The following TBC1D22B variants were observed in gnomAD, a reference collection of about 807,000 sequenced individuals.
TBC1D22B encodes the protein chromosome 6 open reading frame 197.
Under a neutral mutation model 69.1 loss-of-function variants are expected in TBC1D22B, and 32 were observed. The ratio of observed to expected loss-of-function variants is 0.46; its 90% CI spans 0.35 to 0.62. The LOEUF is 0.62. Among genes scored for constraint, TBC1D22B ranks in the 20% least tolerant of loss-of-function variants. TBC1D22B has a pLI of 0.00. For synonymous variants in TBC1D22B, 206 were observed against 229.8 expected (o/e 0.90, Z 0.94); for missense variants, 462 against 630.9 (o/e 0.73, Z 2.87).
chr6:37,325,693 G>A (rs1463739652), intron 12 of TBC1D22B, among the ~76,000 whole-genome samples: 1 of 151,852 alleles, frequency 6.6e-6, no homozygotes, highest in African/African-American at 2.4e-5. Context: ...GGGACTACAG[G>A]GGCACGCCAT....
chr6:37,311,733 C>G (rs979921835), intron 8 of TBC1D22B, among the ~76,000 whole-genome samples: 11 of 152,128 alleles, frequency 7.2e-5, no homozygotes, highest in African/African-American at 2.7e-4. Context: ...TTGTCTAATG[C>G]CTGTGTCTCT....
intron 8 of TBC1D22B, among the ~76,000 whole-genome samples, chr6:37,311,725 G>A (rs1767917751): frequency 6.6e-6 from 1 of 152,170 alleles, no homozygotes; most frequent in African/African-American, 2.4e-5. Context: ...AATACATTTT[G>A]TCTAATGCCT....
chr6:37,290,023 G>A (rs142838343), intron 7 of TBC1D22B, among the ~76,000 whole-genome samples: 3 of 152,250 alleles, frequency 2.0e-5, no homozygotes, highest in African/African-American at 4.8e-5. Flanking sequence ...CTGTTTGCCC[G>A]CTGTAGGCAC....
At chr6:37,262,801 A>G (rs1003744731) in intron 1 of TBC1D22B, among the ~76,000 whole-genome samples, 6 of 152,192 alleles carry the variant, frequency 3.9e-5, no homozygotes, top group Admixed American at 1.3e-4. Context: ...TCTTTTTCCC[A>G]TATTTGCACT....
intron 8 of TBC1D22B, among the ~76,000 whole-genome samples, chr6:37,302,593 G>A (rs7748706): frequency 0.032 from 4,836 of 152,264 alleles, 240 homozygotes; most frequent in African/African-American, 0.11. Context: ...GGTACAAAAT[G>A]CAACACCAAT....
intron 10 of TBC1D22B, among the ~76,000 whole-genome samples, chr6:37,314,992 G>A (rs949059889): frequency 1.3e-5 from 2 of 152,010 alleles, no homozygotes; most frequent in African/African-American, 2.4e-5. Flanking sequence ...TAGCCCTCAC[G>A]TTTGGGCCCC....
At chr6:37,301,935 C>G (rs1434531013) in intron 8 of TBC1D22B, among the ~76,000 whole-genome samples, 2 of 152,124 alleles carry the variant, frequency 1.3e-5, no homozygotes, top group African/African-American at 4.8e-5. Flanking sequence ...TCCAGGCATC[C>G]TTACCCCACT....
chr6:37,307,410 C>T (rs757109119), intron 8 of TBC1D22B, among the ~76,000 whole-genome samples: 1 of 148,862 alleles, frequency 6.7e-6, no homozygotes, highest in Non-Finnish European at 1.5e-5. Flanking sequence ...GGCTGGAGTG[C>T]AGTGGCATAA....
intron 2 of TBC1D22B, among the ~76,000 whole-genome samples, chr6:37,275,057 A>AATG: frequency 6.6e-6 from 1 of 151,524 alleles, no homozygotes. Context: ...TCTTAATAAT[A>AATG]ATAATAATAA....
chr6:37,300,882 G>A (rs1767545143), intron 8 of TBC1D22B, among the ~76,000 whole-genome samples: 1 of 152,056 alleles, frequency 6.6e-6, no homozygotes, highest in African/African-American at 2.4e-5. Flanking sequence ...CGTAAGCTGT[G>A]GGCACATGGT....
intron 12 of TBC1D22B, among the ~76,000 whole-genome samples, chr6:37,329,296 A>G (rs1768517495): frequency 6.6e-6 from 1 of 152,146 alleles, no homozygotes; most frequent in African/African-American, 2.4e-5. Context: ...TGTCTTCTTT[A>G]TCTTCATATA....
intron 8 of TBC1D22B, among the ~76,000 whole-genome samples, chr6:37,301,081 C>T (rs966588296): frequency 1.3e-5 from 2 of 152,138 alleles, no homozygotes; most frequent in Non-Finnish European, 2.9e-5. Flanking sequence ...TTTTGTAAAC[C>T]AACTTTTACT....
In TBC1D22B at chr6:37,328,704, G is replaced by A. The variant is rs115013724; in HGVS notation, c.1390-2340G>A. On this transcript the variant is annotated intron_variant, in intron 12 of 12. Transcript: ENST00000373491. ...GCTTCCTCTTGATCGTGAAGTTATG[G>A]GTAATTTATTTTCTGTTTTTTTTTT... 1.9e-3 allele frequency among the ~76,000 whole-genome samples: 295 copies of A among 152,188 alleles called. 1 individual carries two copies. The highest frequency in any genetic ancestry group is 3.5e-3 in the Admixed American group (53 of 15,282).
At chr6:37,298,822 G>A (rs1185609327) in intron 8 of TBC1D22B, among the ~76,000 whole-genome samples, 1 of 152,056 alleles carries the variant, frequency 6.6e-6, no homozygotes, top group Non-Finnish European at 1.5e-5. Flanking sequence ...TGGGATTACA[G>A]GCGTGAGCCA....
intron 1 of TBC1D22B, 146 bp from the exon 2 acceptor site, chr6:37,269,448 C>G: frequency 1.4e-6 from 1 of 723,018 alleles, no homozygotes; most frequent in Admixed American, 2.5e-5. Context: ...GTAGATTGCT[C>G]TCTTTGGGGG....
intron 8 of TBC1D22B, among the ~76,000 whole-genome samples, chr6:37,296,524 AT>A (rs1192700697): frequency 6.6e-6 from 1 of 151,498 alleles, no homozygotes; most frequent in African/African-American, 2.4e-5. Flanking sequence ...AATTTTTTGT[AT>A]TTTTTTTAGA....
chr6:37,261,568 AG>A, intron 1 of TBC1D22B, among the ~76,000 whole-genome samples: 1 of 152,130 alleles, frequency 6.6e-6, no homozygotes, highest in Non-Finnish European at 1.5e-5. Flanking sequence ...TCTCTAAAAT[AG>A]GGACAGAGTA....
chr6:37,257,794 G>C lies in TBC1D22B; in HGVS notation c.-124G>C. 2 of 1,050,938 alleles carry C rather than the reference G, an allele frequency of 1.9e-6. No individual in the cohort carries two copies. Among genetic ancestry groups the C allele is most frequent in the Non-Finnish European group, 2.8e-6 (2 of 715,856 alleles). The allele number at this position is 1,050,938 out of a possible 1,614,324, so 65.1% of individuals were successfully genotyped here. A position where few individuals can be genotyped will look rare whatever the true frequency, so the allele number is the denominator to read the frequency against. ...CCCACATCCAAGATGGCGTCCCCAG[G>C]AGCTGGGAGCGGGTGACCGGCGGCG... On this transcript the variant is annotated 5_prime_UTR_variant, in exon 1 of 13. Coordinates refer to ENST00000373491, the MANE Select transcript of TBC1D22B (RefSeq NM_017772.4).
Position 37,287,065 on chromosome 6 carries a change from T to C in TBC1D22B, c.860T>C (p.Val287Ala), listed in dbSNP as rs772014104. The part of the protein sequence containing the change: ...PLIPLFQQPL[V>A]QEIFERILFI... ...ATTCCGTTGTTCCAGCAACCACTTG[T>C]ACAGGAGGTGAGGGAATTACTTAAT... Residue 287 changes from valine (V) to alanine (A), a missense_variant, in exon 7 of 13, where the codon GTA (valine) becomes GCA (alanine). This residue lies in a region of TBC1D22B where 225 missense variants were observed against 375.4 expected (regional missense o/e 0.60). Coordinates refer to ENST00000373491, the MANE Select transcript of TBC1D22B (RefSeq NM_017772.4). The C allele has an allele frequency of 6.2e-6, 10 of 1,602,148 alleles. No homozygotes were observed. The highest frequency in any genetic ancestry group is 7.7e-6 in the Non-Finnish European group (9 of 1,175,672).
Sources: allele counts gnomAD v4.1 joint callset (sites outside exome capture counted in the v4.1 genomes callset), GRCh38; gene constraint gnomAD v4.1.1; regional missense constraint gnomAD v4.1.1; transcripts MANE v1.5; gene names NCBI Gene and HGNC (gene_info 2026-07-23, HGNC 2026-07-21).